The following DAPL1 variants were observed in gnomAD, a reference collection of about 807,000 sequenced individuals.
The protein encoded by DAPL1 is death-associated protein-like 1.
DAPL1 carries 17 observed loss-of-function variants against 12.9 expected under a neutral mutation model. The observed-to-expected ratio is 1.32, with a 90% confidence interval of 0.90 to 1.98. DAPL1 has a LOEUF of 1.98. Among genes scored for constraint, DAPL1 ranks in the 30% most tolerant of loss-of-function variants. The pLI, the probability that DAPL1 is intolerant of heterozygous loss-of-function variation, is 0.00. For synonymous variants in DAPL1, 51 were observed against 42.0 expected (o/e 1.21, Z -0.82); for missense variants, 157 against 125.7 (o/e 1.25, Z -1.19).
At chr2:158,803,860 G>GA (rs575488097) in intron 1 of DAPL1, among the ~76,000 whole-genome samples, 17 of 150,686 alleles carry the variant, frequency 1.1e-4, no homozygotes, top group Admixed American at 4.6e-4. Flanking sequence ...GCTTTGGTTG[G>GA]AAAAAAAAAT....
At chr2:158,798,074 T>C (rs1213797860) in intron 1 of DAPL1, among the ~76,000 whole-genome samples, 2 of 152,156 alleles carry the variant, frequency 1.3e-5, no homozygotes, top group African/African-American at 4.8e-5. Flanking sequence ...TGAGTAGAAG[T>C]TGACCCCAGG....
chr2:158,805,734 T>C (rs1422605700), intron 2 of DAPL1, among the ~76,000 whole-genome samples: 1 of 148,054 alleles, frequency 6.8e-6, no homozygotes, highest in East Asian at 1.9e-4. Flanking sequence ...GGCAGGGGAG[T>C]TGGCTAGAGA....
chr2:158,801,418 G>C (rs560475683), intron 1 of DAPL1, among the ~76,000 whole-genome samples: 14 of 152,274 alleles, frequency 9.2e-5, no homozygotes, highest in African/African-American at 3.4e-4. Context: ...CCATACAGAG[G>C]CACACACGCC....
intron 3 of DAPL1, among the ~76,000 whole-genome samples, chr2:158,813,079 A>G (rs1353567751): frequency 6.6e-6 from 1 of 152,338 alleles, no homozygotes; most frequent in Non-Finnish European, 1.5e-5. Context: ...CAACACATAC[A>G]GTAACATGGA....
chr2:158,815,930 G>A lies in DAPL1; in HGVS notation c.*109G>A, dbSNP rs10016. The stretch of plus-strand genomic sequence containing the variant: ...GTGCTGCACTTGCTTGGTAAATTAA[G>A]CAGCTTTTGTATCTTCCCCTTTGAC... On this transcript the variant is annotated 3_prime_UTR_variant, in exon 4 of 4. Coordinates refer to ENST00000309950, the MANE Select transcript of DAPL1 (RefSeq NM_001017920.3). 0.57 allele frequency: 438,966 copies of A among 765,034 alleles called. 134,255 individuals carry two copies. Among genetic ancestry groups the A allele is most frequent in the Non-Finnish European group, 0.63 (278,205 of 438,214 alleles). The allele number at this position is 765,034 out of a possible 1,614,324, so 47.4% of individuals were successfully genotyped here.
chr2:158,815,247 G>A (rs184666553), intron 3 of DAPL1, among the ~76,000 whole-genome samples: 34 of 152,266 alleles, frequency 2.2e-4, no homozygotes, highest in Admixed American at 7.8e-4. Context: ...AATAGCAAAT[G>A]TACACACTTA....
intron 3 of DAPL1, among the ~76,000 whole-genome samples, chr2:158,812,809 AGCAAAG>A (rs2059238179): frequency 6.6e-5 from 10 of 151,030 alleles, no homozygotes; most frequent in Admixed American, 1.3e-4. Flanking sequence ...AAAAAAAAAA[AGCAAAG>A]AGAAAGAGAG....
At chr2:158,801,394 G>A (rs2059166758) in intron 1 of DAPL1, among the ~76,000 whole-genome samples, 1 of 152,180 alleles carries the variant, frequency 6.6e-6, no homozygotes, top group Non-Finnish European at 1.5e-5. Flanking sequence ...AGTGCTATGA[G>A]CAGTCACCAT....
At chr2:158,803,479 T>C (rs1370306705) in intron 1 of DAPL1, among the ~76,000 whole-genome samples, 1 of 152,226 alleles carries the variant, frequency 6.6e-6, no homozygotes, top group Non-Finnish European at 1.5e-5. Flanking sequence ...TTTAGCTTTT[T>C]CTCATTTGAG....
chr2:158,812,996 T>C (rs1308987286), intron 3 of DAPL1, among the ~76,000 whole-genome samples: 1 of 149,130 alleles, frequency 6.7e-6, no homozygotes, highest in African/African-American at 2.4e-5. Flanking sequence ...CATCAATGGA[T>C]GAATGGATAG....
At chr2:158,815,478 C>T (rs1419061038) in intron 3 of DAPL1, among the ~76,000 whole-genome samples, 1 of 151,912 alleles carries the variant, frequency 6.6e-6, no homozygotes, top group Non-Finnish European at 1.5e-5. Flanking sequence ...TTTAAAATGT[C>T]AATTGGAATT....
At chr2:158,804,153 T>C (rs372688398) in intron 1 of DAPL1, 129 bp from the exon 2 acceptor site, 29 of 631,694 alleles carry the variant, frequency 4.6e-5, no homozygotes, top group Non-Finnish European at 7.2e-5. Flanking sequence ...TGTGTTGTTT[T>C]ATACAAACGT....
In DAPL1 at chr2:158,799,930, G is replaced by C. The variant is rs192382879; in HGVS notation, c.59-4352G>C. Among the ~76,000 whole-genome samples, 492 of 152,094 alleles carry C rather than the reference G, an allele frequency of 3.2e-3. 6 individuals carry two copies. The highest frequency in any genetic ancestry group is 0.011 in the African/African-American group (463 of 41,468). On this transcript the variant is annotated intron_variant, in intron 1 of 3. Transcript: ENST00000309950. ...TGTTTATGGTTTAGCTGGGTGTGGTGGCGGGCACCTGTAGTCCCAGCTACT... is the reference window on the plus strand; with the variant it reads ...TGTTTATGGTTTAGCTGGGTGTGGTCGCGGGCACCTGTAGTCCCAGCTACT...
chr2:158,814,710 G>A (rs1380572271), intron 3 of DAPL1, among the ~76,000 whole-genome samples: 1 of 152,206 alleles, frequency 6.6e-6, no homozygotes, highest in African/African-American at 2.4e-5. Flanking sequence ...ACCATGAACA[G>A]TATGATGGCT....
At chr2:158,813,777 G>T (rs1034758881) in intron 3 of DAPL1, among the ~76,000 whole-genome samples, 1 of 151,960 alleles carries the variant, frequency 6.6e-6, no homozygotes, top group Non-Finnish European at 1.5e-5. Flanking sequence ...GGATGGTCTC[G>T]ATCGCCTGAC....
intron 2 of DAPL1, among the ~76,000 whole-genome samples, chr2:158,804,961 C>G (rs1182390717): frequency 3.3e-5 from 5 of 152,332 alleles, no homozygotes; most frequent in African/African-American, 9.6e-5. Context: ...ATCAGGTAAG[C>G]AAATGGCCCA....
At chr2:158,802,930 G>C (rs1314378636) in intron 1 of DAPL1, among the ~76,000 whole-genome samples, 3 of 152,132 alleles carry the variant, frequency 2.0e-5, no homozygotes, top group African/African-American at 7.2e-5. Flanking sequence ...TTAGGGAACT[G>C]GTTAAGTAAA....
rs2059188930 is a variant in DAPL1, at chr2:158,804,497, G to GA, written c.146+129dup. 54 of 637,670 alleles carry GA rather than the reference G, an allele frequency of 8.5e-5. 3 individuals are homozygous for GA. In the South Asian group the frequency reaches 1.2e-3, roughly 15 times the overall value. The allele number at this position is 637,670 out of a possible 1,614,324, so 39.5% of individuals were successfully genotyped here. On this transcript the variant is annotated intron_variant, in intron 2 of 3. Transcript: ENST00000309950. ...CAGCCAGAGAAGGGGGCAGGAGGGG[G>GA]AGGGCGTGATCCGTGGTGACTTAGG...
At chr2:158,799,719 A>G (rs1354513609) in intron 1 of DAPL1, among the ~76,000 whole-genome samples, 1 of 152,048 alleles carries the variant, frequency 6.6e-6, no homozygotes, top group African/African-American at 2.4e-5. Context: ...TGGTACAAGA[A>G]CTCTGTTCTG....
Sources: gnomAD v4.1 joint callset for allele counts (sites outside exome capture counted in the v4.1 genomes callset) on GRCh38, gnomAD v4.1.1 for gene constraint, MANE v1.5 for transcripts, NCBI Gene and HGNC (gene_info 2026-07-23, HGNC 2026-07-21) for gene names.